ESRRG: variants seen among roughly 807,000 people sequenced by gnomAD.
The protein encoded by ESRRG is estrogen related receptor gamma, also known as estrogen-related receptor gamma.
Under a neutral mutation model 44.0 loss-of-function variants are expected in ESRRG, and 13 were observed. That is an observed-to-expected ratio of 0.30 (90% CI 0.19 to 0.47). The LOEUF is 0.47. Ranked by LOEUF, ESRRG falls within the 20% of genes least tolerant of loss-of-function variation. The probability of loss-of-function intolerance (pLI) is 1.00; values close to 1 mark genes in which losing one functional copy is unlikely to be tolerated. For missense variants in ESRRG, 395 were observed against 580.6 expected (o/e 0.68, Z 3.29); for synonymous variants, 215 against 214.6 (o/e 1.00, Z -0.02).
chr1:217,030,153 C>CTCTTTT (rs1466512316), intron 1 of ESRRG, among the ~76,000 whole-genome samples: 3 of 152,092 alleles, frequency 2.0e-5, no homozygotes, highest in African/African-American at 4.8e-5. Context: ...CTTTCTCTTT[C>CTCTTTT]TCTTTTTCTT....
intron 1 of ESRRG, among the ~76,000 whole-genome samples, chr1:217,134,599 G>A (rs745317039): frequency 1.4e-4 from 21 of 152,214 alleles, no homozygotes; most frequent in Non-Finnish European, 2.6e-4. Context: ...CAGCTCAGGC[G>A]GGAAAGGGCA....
intron 1 of ESRRG, among the ~76,000 whole-genome samples, chr1:216,716,546 A>G (rs2084918056): frequency 6.6e-6 from 1 of 151,326 alleles, no homozygotes; most frequent in South Asian, 2.1e-4. Context: ...AGTCCTGCCA[A>G]AGCATATTAC....
intron 1 of ESRRG, among the ~76,000 whole-genome samples, chr1:217,022,702 G>A (rs1055206095): frequency 6.6e-6 from 1 of 152,138 alleles, no homozygotes. Context: ...CGAGTAAAAT[G>A]GCCCTTCTAG....
chr1:216,672,567 T>TA (rs1401265687), intron 2 of ESRRG, among the ~76,000 whole-genome samples: 1 of 152,224 alleles, frequency 6.6e-6, no homozygotes, highest in Non-Finnish European at 1.5e-5. Context: ...TAACCAATCC[T>TA]AAAAATAAAT....
chr1:216,676,600 T>G (rs934000255), intron 2 of ESRRG, among the ~76,000 whole-genome samples: 2 of 152,194 alleles, frequency 1.3e-5, no homozygotes, highest in Non-Finnish European at 2.9e-5. Flanking sequence ...CCAGATCTAA[T>G]GAATCAGAAA....
chr1:216,971,920 G>T (rs1271778021), intron 1 of ESRRG, among the ~76,000 whole-genome samples: 2 of 152,162 alleles, frequency 1.3e-5, no homozygotes, highest in Admixed American at 6.5e-5. Context: ...CCCATAACTT[G>T]TGAATTACTA....
At chr1:217,114,179 A>G (rs1023390747) in intron 1 of ESRRG, among the ~76,000 whole-genome samples, 1 of 152,094 alleles carries the variant, frequency 6.6e-6, no homozygotes, top group African/African-American at 2.4e-5. Flanking sequence ...AGTATTAGGT[A>G]GAAGAAAATA....
chr1:216,742,433 A>G lies in ESRRG; in HGVS notation c.-13-64942T>C, dbSNP rs144877865. Among the ~76,000 whole-genome samples the G allele has an allele frequency of 5.3e-5, 8 of 152,292 alleles. No homozygotes were observed. The East Asian group carries it at 1.2e-3, about 22-fold the overall frequency. ...AGAATAATGGAATCATGTTTCTCCA[A>G]TAGAATGTAAGTTCCTTGAAGACAA... On this transcript the variant is annotated intron_variant, in intron 2 of 7. Transcript: ENST00000359162.
At chr1:217,109,916 C>T (rs1443216815) in intron 1 of ESRRG, among the ~76,000 whole-genome samples, 2 of 152,138 alleles carry the variant, frequency 1.3e-5, no homozygotes, top group African/African-American at 4.8e-5. Context: ...CAGAGCACAC[C>T]ATATCCTTAA....
intron 1 of ESRRG, chr1:216,707,419 T>C (rs746844244): frequency 6.5e-7 from 1 of 1,535,840 alleles, no homozygotes; most frequent in South Asian, 1.2e-5. Flanking sequence ...CCAATCACAT[T>C]CTCGCCACAT....
intron 6 of ESRRG, among the ~76,000 whole-genome samples, chr1:216,517,649 A>T (rs2044744274): frequency 6.6e-6 from 1 of 152,198 alleles, no homozygotes; most frequent in Non-Finnish European, 1.5e-5. Context: ...AAAATATTTC[A>T]TCTCATTATG....
intron 1 of ESRRG, among the ~76,000 whole-genome samples, chr1:217,053,465 A>AAAG (rs2086483742): frequency 1.4e-5 from 2 of 145,512 alleles, no homozygotes; most frequent in African/African-American, 2.6e-5. Context: ...AAAGCCAAAA[A>AAAG]AAAGAAAGAA....
intron 2 of ESRRG, among the ~76,000 whole-genome samples, chr1:216,915,282 G>A (rs1042284041): frequency 2.0e-5 from 3 of 152,164 alleles, no homozygotes; most frequent in Non-Finnish European, 4.4e-5. Flanking sequence ...GGTCACCACT[G>A]CTCTGCATCT....
At chr1:216,528,677 T>A (rs148332554) in intron 5 of ESRRG, among the ~76,000 whole-genome samples, 2 of 152,226 alleles carry the variant, frequency 1.3e-5, no homozygotes, top group East Asian at 3.9e-4. Flanking sequence ...CTAATTTTTG[T>A]CAAGTGTAAG....
At chr1:216,738,613 G>C (rs867070947) in intron 2 of ESRRG, among the ~76,000 whole-genome samples, 6 of 152,048 alleles carry the variant, frequency 3.9e-5, no homozygotes, top group African/African-American at 7.2e-5. Context: ...GAAAATAACA[G>C]TCAAACAGAA....
chr1:216,877,377 GTGTTTTTTTTTGTT>G (rs924292797), intron 2 of ESRRG, among the ~76,000 whole-genome samples: 5 of 79,380 alleles, frequency 6.3e-5, no homozygotes, highest in African/African-American at 5.0e-4. Flanking sequence ...TATAGGTATG[GTGTTTTTTTTTGTT>G]TGTTTGTTTG....
intron 1 of ESRRG, among the ~76,000 whole-genome samples, chr1:216,943,804 G>A (rs12755398): frequency 0.12 from 18,549 of 152,030 alleles, 1,552 homozygotes; most frequent in Admixed American, 0.19. Flanking sequence ...CCTACCATAC[G>A]TTATTCATGG....
intron 5 of ESRRG, among the ~76,000 whole-genome samples, chr1:216,541,466 A>G (rs2052697082): frequency 6.6e-6 from 1 of 151,964 alleles, no homozygotes; most frequent in African/African-American, 2.4e-5. Context: ...ATGTTGTTAC[A>G]CATTATGGAG....
At chr1:216,849,991 T>C (rs1204267962) in intron 2 of ESRRG, among the ~76,000 whole-genome samples, 2 of 152,148 alleles carry the variant, frequency 1.3e-5, no homozygotes, top group Non-Finnish European at 2.9e-5. Context: ...TTTAAAATTT[T>C]CATTCTAAAT....
Sources: gnomAD v4.1 joint callset for allele counts (sites outside exome capture counted in the v4.1 genomes callset) on GRCh38, gnomAD v4.1.1 for gene constraint, MANE v1.5 for transcripts, NCBI Gene and HGNC (gene_info 2026-07-23, HGNC 2026-07-21) for gene names.